Variants in ORC5 observed in about 807,000 individuals in gnomAD.
ORC5 encodes the protein protein phosphatase 1, regulatory subunit 117.
In ORC5, 39 loss-of-function variants were observed where a neutral mutation model predicts 58.8. That is an observed-to-expected ratio of 0.66 (90% CI 0.51 to 0.87). The LOEUF (loss-of-function observed/expected upper bound fraction) is 0.87. Among genes scored for constraint, ORC5 ranks in the 40% least tolerant of loss-of-function variants. ORC5 has a pLI of 0.00. For synonymous variants in ORC5, 218 were observed against 177.6 expected, an observed-to-expected ratio of 1.23 and a Z score of -1.81; for missense variants, 493 against 506.3, an observed-to-expected ratio of 0.97 and a Z score of 0.25.
chr7:104,170,317 T>C (rs908534799), intron 8 of ORC5, among the ~76,000 whole-genome samples: 2 of 152,230 alleles, frequency 1.3e-5, no homozygotes, highest in African/African-American at 4.8e-5. Context: ...CTAGAACATG[T>C]GAATACATTC....
intron 5 of ORC5, among the ~76,000 whole-genome samples, chr7:104,190,378 A>AT (rs879848898): frequency 3.9e-5 from 6 of 152,148 alleles, no homozygotes; most frequent in Non-Finnish European, 8.8e-5. Context: ...AAAAGAATTA[A>AT]TCTTTTTTTA....
intron 13 of ORC5, among the ~76,000 whole-genome samples, chr7:104,131,175 A>G (rs77111418): frequency 0.022 from 3,321 of 152,166 alleles, 80 homozygotes; most frequent in South Asian, 0.12. Flanking sequence ...AATGTTCCAG[A>G]TTTCTCTAAA....
intron 11 of ORC5, among the ~76,000 whole-genome samples, chr7:104,161,950 A>T (rs972667816): frequency 6.6e-6 from 1 of 152,226 alleles, no homozygotes; most frequent in Non-Finnish European, 1.5e-5. Flanking sequence ...TAGCTCTAAA[A>T]AGATCAATTA....
intron 12 of ORC5, among the ~76,000 whole-genome samples, chr7:104,151,041 A>C (rs776217497): frequency 1.3e-5 from 2 of 152,218 alleles, no homozygotes; most frequent in Non-Finnish European, 2.9e-5. Context: ...ACATGCAACA[A>C]TATAAAAACA....
chr7:104,166,171 A>G (rs1799104172), intron 10 of ORC5, among the ~76,000 whole-genome samples: 1 of 152,240 alleles, frequency 6.6e-6, no homozygotes, highest in Non-Finnish European at 1.5e-5. Context: ...CTACTTTAAG[A>G]TAGGTTGTAC....
At chr7:104,151,156 C>T (rs989125933) in intron 12 of ORC5, among the ~76,000 whole-genome samples, 2 of 152,014 alleles carry the variant, frequency 1.3e-5, no homozygotes, top group African/African-American at 4.8e-5. Flanking sequence ...AAGGACCTTG[C>T]AATAAATGCT....
rs543750538 is a variant in ORC5, at chr7:104,129,995, T to G, written c.1263-3102A>C. Among the ~76,000 whole-genome samples the G allele has an allele frequency of 6.6e-6, 1 of 152,312 alleles. No homozygotes were observed. The highest frequency in any genetic ancestry group is 2.4e-5 in the African/African-American group (1 of 41,576). On this transcript the variant is annotated intron_variant, in intron 13 of 13. Coordinates refer to ENST00000297431, the MANE Select transcript of ORC5 (RefSeq NM_002553.4). This position sits in a 1 kb window ranked among gnomAD's most constrained non-coding sequence, Gnocchi z 4.9. Reference sequence around the variant, plus strand: ...TTTGTTGATTCATTAAAATACTTTTTCTTTCTTTAGGATACTATTTTGTTT... The same window carrying G: ...TTTGTTGATTCATTAAAATACTTTTGCTTTCTTTAGGATACTATTTTGTTT...
At chr7:104,151,969 C>T (rs1254192176) in intron 12 of ORC5, among the ~76,000 whole-genome samples, 3 of 152,114 alleles carry the variant, frequency 2.0e-5, no homozygotes, top group African/African-American at 4.8e-5. Context: ...AATTTTTCAT[C>T]TAGGAGAAAA....
intron 13 of ORC5, among the ~76,000 whole-genome samples, chr7:104,130,808 A>G (rs1240027892): frequency 6.6e-6 from 1 of 152,076 alleles, no homozygotes; most frequent in Non-Finnish European, 1.5e-5. Context: ...AAATGGCTTC[A>G]TTTTTTCCTG....
chr7:104,202,041 G>A lies in ORC5; in HGVS notation c.166-1083C>T, dbSNP rs956395529. 2.0e-5 allele frequency among the ~76,000 whole-genome samples: 3 copies of A among 152,124 alleles called. No individual in the cohort carries two copies. The East Asian group carries it at 5.8e-4, about 29-fold the overall frequency. On this transcript the variant is annotated intron_variant, in intron 2 of 13. Coordinates refer to ENST00000297431, the MANE Select transcript of ORC5 (RefSeq NM_002553.4). ...GGAATTCATGGCTGCAATGAGCTAT[G>A]ATCATAACACTGCACTCCAACCTGG...
At chr7:104,169,515 T>TAA (rs34859463) in intron 8 of ORC5, among the ~76,000 whole-genome samples, 1 of 151,066 alleles carries the variant, frequency 6.6e-6, no homozygotes, top group African/African-American at 2.4e-5. Context: ...AGTTTACTCA[T>TAA]AAAAAAAAAT....
At chr7:104,134,416 C>CAAAAA (rs1170848776) in intron 13 of ORC5, among the ~76,000 whole-genome samples, 1 of 51,798 alleles carries the variant, frequency 1.9e-5, no homozygotes, top group Non-Finnish European at 3.6e-5. Context: ...CACTCCATCT[C>CAAAAA]AAAAAAAAAA....
intron 8 of ORC5, among the ~76,000 whole-genome samples, chr7:104,181,665 A>C (rs1045253781): frequency 6.6e-6 from 1 of 151,888 alleles, no homozygotes; most frequent in Non-Finnish European, 1.5e-5. Flanking sequence ...GGTGGTGGGC[A>C]CCTGTAGTCC....
rs1799966115 is a variant in ORC5, at chr7:104,202,371, A to G, written c.166-1413T>C. ...AACAGTGTCACTAAAGCCACATTAA[A>G]CTTACTTGGGGACAGTTTCACCAGC... On this transcript the variant is annotated intron_variant, in intron 2 of 13. Coordinates refer to ENST00000297431, the MANE Select transcript of ORC5 (RefSeq NM_002553.4). The G allele has an allele frequency of 3.7e-5, 9 of 241,162 alleles. No individual in the cohort carries two copies. In the South Asian group the frequency reaches 3.9e-4, roughly 10 times the overall value. 14.9% of individuals were successfully genotyped at this position (241,162 alleles called of 1,614,324 possible). A position where few individuals can be genotyped will look rare whatever the true frequency, so the allele number is the denominator to read the frequency against.
chr7:104,160,311 G>A (rs571124178), intron 12 of ORC5, among the ~76,000 whole-genome samples: 6 of 152,202 alleles, frequency 3.9e-5, no homozygotes, highest in Non-Finnish European at 5.9e-5. Context: ...TAATTAAAAC[G>A]CAGGCATTAT....
intron 8 of ORC5, among the ~76,000 whole-genome samples, chr7:104,173,082 G>T (rs567027751): frequency 6.6e-6 from 1 of 151,272 alleles, no homozygotes; most frequent in South Asian, 2.1e-4. Context: ...CACGAAGAAA[G>T]TGTTATCACG....
intron 13 of ORC5, among the ~76,000 whole-genome samples, chr7:104,134,514 A>G (rs1385754994): frequency 3.3e-5 from 5 of 151,888 alleles, no homozygotes; most frequent in Non-Finnish European, 5.9e-5. Flanking sequence ...GGCTGAAGAG[A>G]CAAAAATCAG....
intron 5 of ORC5, among the ~76,000 whole-genome samples, chr7:104,189,556 T>C (rs547068635): frequency 1.3e-5 from 2 of 152,194 alleles, no homozygotes; most frequent in East Asian, 3.9e-4. Flanking sequence ...ACTGAATCCA[T>C]GACCAATGAC....
rs1417107958 is a variant in ORC5, at chr7:104,166,797, C to A, written c.965G>T (p.Arg322Ile). ...CTTAAGAAAAAACCTCTTGTCAGTTCTTGCTGGATTGTATGAAGCAAGGTA... is the reference window on the plus strand; with the variant it reads ...CTTAAGAAAAAACCTCTTGTCAGTTATTGCTGGATTGTATGAAGCAAGGTA... ...AAYLASYNPA[R>I]TDKRFFLKHH... is the part of the protein sequence containing the mutation. Residue 322 changes from arginine (R) to isoleucine (I), a missense_variant, in exon 10 of 14, where the codon AGA becomes ATA. Physicochemically the swap from Arg to Ile is moderately conservative, Grantham distance 97. This residue lies in a region of ORC5 where 412 missense variants were observed against 403.7 expected (regional missense o/e 1.02). Coordinates refer to ENST00000297431, the MANE Select transcript of ORC5 (RefSeq NM_002553.4). The A allele has an allele frequency of 2.5e-6, 4 of 1,603,846 alleles. No individual in the cohort carries two copies. The highest frequency in any genetic ancestry group is 3.4e-5 in the Admixed American group (2 of 59,630).
Sources: allele counts gnomAD v4.1 joint callset (sites outside exome capture counted in the v4.1 genomes callset), GRCh38; gene constraint gnomAD v4.1.1; regional missense constraint gnomAD v4.1.1; non-coding constraint Gnocchi (gnomAD v3.1); transcripts MANE v1.5; gene names NCBI Gene and HGNC (gene_info 2026-07-23, HGNC 2026-07-21).